The following KDELR1 variants were observed in gnomAD, a reference collection of about 807,000 sequenced individuals.
KDELR1 encodes ER lumen protein-retaining receptor 1.
Under a neutral mutation model 25.5 loss-of-function variants are expected in KDELR1, and 16 were observed. That is an observed-to-expected ratio of 0.63 (90% CI 0.43 to 0.95). The LOEUF is 0.95. KDELR1 is among the 40% of genes least tolerant of loss of function. The pLI, the probability that KDELR1 is intolerant of heterozygous loss-of-function variation, is 0.00. For missense variants in KDELR1, 159 were observed against 265.2 expected (o/e 0.60, Z 2.78); for synonymous variants, 121 against 115.0 (o/e 1.05, Z -0.33).
chr19:48,388,048 T>G (rs962395562), intron 3 of KDELR1, among the ~76,000 whole-genome samples: 8 of 152,336 alleles, frequency 5.3e-5, no homozygotes, highest in East Asian at 3.9e-4. Flanking sequence ...CATTGAACAT[T>G]GATTGACACA....
chr19:48,394,511 G>A (rs1327429659), upstream of KDELR1, among the ~76,000 whole-genome samples: 1 of 148,378 alleles, frequency 6.7e-6, no homozygotes, highest in Non-Finnish European at 1.5e-5. This position sits in a 1 kb window ranked among gnomAD's most constrained non-coding sequence, Gnocchi z 5.1. Flanking sequence ...GGGAGAGGCG[G>A]GACTGGACAC....
At chr19:48,391,943 A>G (rs1252485039), upstream of KDELR1, among the ~76,000 whole-genome samples, 1 of 152,074 alleles carries the variant, frequency 6.6e-6, no homozygotes. Flanking sequence ...TTCCTCCCCT[A>G]GACCCAGGAC....
chr19:48,390,722 C>G (rs1479869159), intron 1 of KDELR1, 198 bp from the exon 2 acceptor site: 2 of 556,186 alleles, frequency 3.6e-6, no homozygotes, highest in Admixed American at 3.1e-5. Context: ...CAGCCCGCCC[C>G]GCCTGAGCAG....
chr19:48,384,352 A>G lies in KDELR1; in HGVS notation c.482T>C (p.Leu161Pro), dbSNP rs1485072388. The change falls in exon 4 of 5, where the codon CTC becomes CCC. Residue 161 changes from leucine to proline, a missense_variant. Leu to Pro is a moderately conservative substitution (Grantham distance 98). Coordinates refer to ENST00000330720, the MANE Select transcript of KDELR1 (RefSeq NM_006801.3). This position sits in a 1 kb window ranked among gnomAD's most constrained non-coding sequence, Gnocchi z 4.6. ...YLFALGVYRT[L>P]YLFNWIWRYH... ...GCGCCAGATCCAGTTGAAGAGATAGAGCGTGCGGTAAACGCCTAGCGCAAA... is the reference window on the plus strand; with the variant it reads ...GCGCCAGATCCAGTTGAAGAGATAGGGCGTGCGGTAAACGCCTAGCGCAAA... 4.3e-6 allele frequency: 7 copies of G among 1,614,208 alleles called. No individual in the cohort carries two copies. Among genetic ancestry groups the G allele is most frequent in the Non-Finnish European group, 5.9e-6 (7 of 1,180,050 alleles).
chr19:48,394,009 C>A (rs146751271), upstream of KDELR1, among the ~76,000 whole-genome samples: 1 of 152,062 alleles, frequency 6.6e-6, no homozygotes, highest in Non-Finnish European at 1.5e-5. The surrounding 1 kb of genome is among the most constrained non-coding windows in gnomAD (Gnocchi z 5.1). Context: ...GTGGGGCTCC[C>A]GCTCCTTCCC....
Position 48,389,683 on chromosome 19 carries a change from G to A in KDELR1, c.221C>T (p.Thr74Met), listed in dbSNP as rs757534307. 3.1e-6 allele frequency: 5 copies of A among 1,613,978 alleles called. No homozygotes were observed. The highest frequency in any genetic ancestry group is 1.7e-5 in the Admixed American group (1 of 59,992). Residue 74 changes from threonine (T) to methionine (M), a missense_variant, in exon 3 of 5, where the codon ACG (threonine) becomes ATG (methionine). Thr to Met is a moderately conservative substitution (Grantham distance 81). Transcript: ENST00000330720. Reference sequence around the variant, plus strand: ...GAACTTGCTATAAATCAACCAGACCGTGGTGAAGGAGCAGGCTATGTAGAC... The same window carrying A: ...GAACTTGCTATAAATCAACCAGACCATGGTGAAGGAGCAGGCTATGTAGAC... ...KVVYIACSFT[T>M]VWLIYSKFKA...
chr19:48,394,833 G>A (rs892500112), upstream of KDELR1: 8 of 154,768 alleles, frequency 5.2e-5, no homozygotes, highest in South Asian at 7.5e-4. This position sits in a 1 kb window ranked among gnomAD's most constrained non-coding sequence, Gnocchi z 5.1. Context: ...CCTGCCCCCC[G>A]ACATCGGCTC....
At chr19:48,385,852 T>C (rs1296417327) in intron 3 of KDELR1, among the ~76,000 whole-genome samples, 3 of 152,348 alleles carry the variant, frequency 2.0e-5, no homozygotes, top group Non-Finnish European at 4.4e-5. Flanking sequence ...AGGTAGGTAC[T>C]GTTGTCATTC....
intron 1 of KDELR1, chr19:48,390,861 T>C (rs950466740): frequency 2.6e-5 from 11 of 426,964 alleles, no homozygotes; most frequent in Non-Finnish European, 4.7e-5. Flanking sequence ...AGTCTGGACC[T>C]GAGGTGAGGC....
At chr19:48,394,096 G>A (rs570776217), upstream of KDELR1, among the ~76,000 whole-genome samples, 13 of 152,140 alleles carry the variant, frequency 8.5e-5, no homozygotes, top group African/African-American at 3.1e-4. The surrounding 1 kb of genome is among the most constrained non-coding windows in gnomAD (Gnocchi z 5.1). Flanking sequence ...CAGGCGTCTG[G>A]GCGTCCCCGG....
At chr19:48,383,650 C>T (rs573644497) in intron 4 of KDELR1, among the ~76,000 whole-genome samples, 5 of 152,228 alleles carry the variant, frequency 3.3e-5, no homozygotes, top group East Asian at 1.9e-4. Flanking sequence ...GGACCACAGG[C>T]GTGCACCACC....
At chr19:48,395,791 C>T (rs540846144), upstream of KDELR1, among the ~76,000 whole-genome samples, 13 of 151,972 alleles carry the variant, frequency 8.6e-5, no homozygotes, top group Non-Finnish European at 1.8e-4. Flanking sequence ...AAAGGGGATC[C>T]TTAAGGGAGG....
intron 3 of KDELR1, among the ~76,000 whole-genome samples, chr19:48,386,016 C>T (rs748969695): frequency 1.4e-4 from 21 of 152,042 alleles, no homozygotes; most frequent in Non-Finnish European, 2.8e-4. Flanking sequence ...TGCTGGGAAA[C>T]GAACCCATTA....
chr19:48,383,976 G>A (rs1970475394), intron 4 of KDELR1, among the ~76,000 whole-genome samples: 1 of 152,168 alleles, frequency 6.6e-6, no homozygotes, highest in Non-Finnish European at 1.5e-5. Flanking sequence ...AATTTCAGTG[G>A]GCTGAGTCCC....
intron 3 of KDELR1, among the ~76,000 whole-genome samples, chr19:48,385,354 C>A (rs887021930): frequency 6.6e-6 from 1 of 152,240 alleles, no homozygotes; most frequent in African/African-American, 2.4e-5. Flanking sequence ...ACTGTCACAT[C>A]ACCCCATCTT....
chr19:48,387,811 G>A (rs1600957301), intron 3 of KDELR1: 2 of 152,020 alleles, frequency 1.3e-5, no homozygotes, highest in Non-Finnish European at 2.9e-5. Context: ...TGGCCACCCA[G>A]GCCTATCTTC....
intron 3 of KDELR1, among the ~76,000 whole-genome samples, chr19:48,389,163 G>A (rs766398949): frequency 1.3e-5 from 2 of 152,084 alleles, no homozygotes; most frequent in African/African-American, 2.4e-5. Context: ...CCAACTACTC[G>A]GGAGGCTGAG....
At chr19:48,387,064 T>TAA (rs35835908) in intron 3 of KDELR1, among the ~76,000 whole-genome samples, 206 of 116,168 alleles carry the variant, frequency 1.8e-3, no homozygotes, top group South Asian at 2.9e-3. Context: ...CAGCAAGACT[T>TAA]AAAAAAAAAA....
Position 48,384,126 on chromosome 19 carries a change from TC to T in KDELR1, c.604+103del. 7.1e-7 allele frequency: 1 copy of T among 1,416,854 alleles called. No homozygotes were observed. Among genetic ancestry groups the T allele is most frequent in the Non-Finnish European group, 9.6e-7 (1 of 1,037,898 alleles). 87.8% of individuals were successfully genotyped at this position (1,416,854 alleles called of 1,614,324 possible). On this transcript the variant is annotated intron_variant, in intron 4 of 4. Coordinates refer to ENST00000330720, the MANE Select transcript of KDELR1 (RefSeq NM_006801.3). The surrounding 1 kb of genome is among the most constrained non-coding windows in gnomAD (Gnocchi z 4.6). ...CCCCAGAAACCCGGCGAAGAAATGC[TC>T]CCTTCTTTGCATAATACAGGGGTAA...
Sources: gnomAD v4.1 joint callset for allele counts (sites outside exome capture counted in the v4.1 genomes callset) on GRCh38, gnomAD v4.1.1 for gene constraint, Gnocchi (gnomAD v3.1) non-coding constraint, MANE v1.5 for transcripts, NCBI Gene and HGNC (gene_info 2026-07-23, HGNC 2026-07-21) for gene names.